Variants in CLN8 observed in about 807,000 individuals in gnomAD.
CLN8 encodes protein CLN8.
A neutral mutation model predicts 15.7 loss-of-function variants in CLN8; 14 were observed. The observed-to-expected ratio is 0.89, with a 90% CI of 0.59 to 1.39. CLN8 has a LOEUF of 1.39. CLN8 is among the 40% of genes most tolerant of loss of function. The probability of loss-of-function intolerance (pLI) is 0.00; values close to 1 mark genes in which losing one functional copy is unlikely to be tolerated. For missense variants in CLN8, 415 were observed against 364.0 expected, an observed-to-expected ratio of 1.14 and a Z score of -1.14; for synonymous variants, 188 against 151.0, an observed-to-expected ratio of 1.25 and a Z score of -1.80.
chr8:1,756,810 G>A (rs1056464868), intron 1 of CLN8, among the ~76,000 whole-genome samples: 1 of 151,012 alleles, frequency 6.6e-6, no homozygotes, highest in African/African-American at 2.4e-5. Context: ...AGCCTCCCAA[G>A]TAGCTAGGAT....
intron 1 of CLN8, among the ~76,000 whole-genome samples, chr8:1,765,592 G>T (rs1240121654): frequency 6.6e-6 from 1 of 152,140 alleles, no homozygotes; most frequent in Non-Finnish European, 1.5e-5. Context: ...TTATATTTCA[G>T]TCATTAATGC....
rs1801672922 is a variant in CLN8 at position 1,780,311 on chromosome 8, A to G, written c.605A>G (p.His202Arg). Residue 202 changes from histidine to arginine, a missense_variant, in exon 3 of 3, where the codon CAC becomes CGC. His to Arg is a conservative substitution (Grantham distance 29). Coordinates refer to ENST00000331222, the MANE Select transcript of CLN8 (RefSeq NM_018941.4). The stretch of plus-strand genomic sequence containing the variant: ...CAGTGGCTGATGATTCACATGTTTC[A>G]CTGCCGCATGGTTCTAACCTACCAC... ...LNQWLMIHMF[H>R]CRMVLTYHMW... The G allele has an allele frequency of 1.2e-6, 2 of 1,614,208 alleles. No individual in the cohort carries two copies. The highest frequency in any genetic ancestry group is 1.7e-6 in the Non-Finnish European group (2 of 1,180,042).
intron 1 of CLN8, among the ~76,000 whole-genome samples, chr8:1,758,057 CAGCATCAG>C (rs1800712563): frequency 6.6e-6 from 1 of 151,986 alleles, no homozygotes; most frequent in Non-Finnish European, 1.5e-5. Context: ...ATCACCAAGA[CAGCATCAG>C]AGCCCTTTAG....
At chr8:1,776,898 A>C (rs1422058597) in intron 2 of CLN8, among the ~76,000 whole-genome samples, 1 of 152,214 alleles carries the variant, frequency 6.6e-6, no homozygotes, top group Non-Finnish European at 1.5e-5. Context: ...TCCACGCAGC[A>C]GAAGGGTGGG....
chr8:1,757,011 A>G (rs572761486), intron 1 of CLN8, among the ~76,000 whole-genome samples: 3 of 152,268 alleles, frequency 2.0e-5, no homozygotes, highest in South Asian at 4.1e-4. Context: ...AAGCTGCACT[A>G]AAGTCCTTTA....
chr8:1,771,748 G>C, intron 2 of CLN8, 151 bp downstream of exon 2: 1 of 743,074 alleles, frequency 1.3e-6, no homozygotes, highest in Non-Finnish European at 2.3e-6. Context: ...GCAATATTCT[G>C]GTTTTGTTTA....
chr8:1,759,511 G>A (rs1563098116), upstream of CLN8: 1 of 152,234 alleles, frequency 6.6e-6, no homozygotes. Context: ...CGAGGGTGAG[G>A]GATGAGGAGT....
chr8:1,760,047 C>T (rs532292471), upstream of CLN8: 3 of 152,264 alleles, frequency 2.0e-5, no homozygotes, highest in African/African-American at 7.2e-5. Context: ...GAAAGTAAGA[C>T]AGTCCCCTGA....
At chr8:1,763,787 C>T (rs986106981), upstream of CLN8, 1 of 150,198 alleles carries the variant, frequency 6.7e-6, no homozygotes, top group Non-Finnish European at 1.5e-5. Flanking sequence ...TTGAGGCCGG[C>T]CAGTCGTGAC....
chr8:1,770,947 G>T lies in CLN8; in HGVS notation c.-108G>T. ...TTTCTTTTAGATTGAAGATGGATAC[G>T]TGACAATCCCAGGGACCGCTGCACT... is the stretch of plus-strand genomic sequence containing the variant. On this transcript the variant is annotated 5_prime_UTR_variant, in exon 2 of 3. Transcript: ENST00000331222. 2 of 992,528 alleles carry T rather than the reference G, an allele frequency of 2.0e-6. No homozygotes were observed. Among genetic ancestry groups the T allele is most frequent in the South Asian group, 1.3e-5 (1 of 76,718 alleles). 61.5% of individuals were successfully genotyped at this position (992,528 alleles called of 1,614,324 possible).
chr8:1,781,334 C>G lies in CLN8; in HGVS notation c.*767C>G, dbSNP rs1479585722. ...GATCGCACCACTGCACTCCAGCACT[C>G]CAGCCTGGGTGACAGAGCAAGACTC... On this transcript the variant is annotated 3_prime_UTR_variant, in exon 3 of 3. Transcript: ENST00000331222. The G allele has an allele frequency of 6.7e-6, 1 of 149,780 alleles. No homozygotes were observed. The highest frequency in any genetic ancestry group is 1.5e-5 in the Non-Finnish European group (1 of 67,638). 9.3% of individuals were successfully genotyped at this position (149,780 alleles called of 1,614,324 possible).
intron 1 of CLN8, chr8:1,758,581 T>A (rs1345225125): frequency 6.6e-6 from 1 of 152,238 alleles, no homozygotes; most frequent in Non-Finnish European, 1.5e-5. Context: ...TATTTCAAAA[T>A]TCGGCTTTGT....
At chr8:1,760,625 CCATCTTT>C (rs1278513240), upstream of CLN8, among the ~76,000 whole-genome samples, 6 of 152,176 alleles carry the variant, frequency 3.9e-5, no homozygotes, top group Non-Finnish European at 7.3e-5. Flanking sequence ...AGTTATGGTT[CCATCTTT>C]CTAAGCCTCA....
At position 1,783,810 on chromosome 8, in the gene CLN8, C is replaced by T. The variant is rs956856644; in HGVS notation, c.*3243C>T. The T allele has an allele frequency of 2.0e-5, 3 of 152,256 alleles. No homozygotes were observed. The highest frequency in any genetic ancestry group is 3.9e-4 in the East Asian group (2 of 5,170). 9.4% of individuals were successfully genotyped at this position (152,256 alleles called of 1,614,324 possible). A position where few individuals can be genotyped will look rare whatever the true frequency, so the allele number is the denominator to read the frequency against. ...TGATTCCACTTCTGTCGAGGAGCTTCGGGGCTCAGAGAGGTGATGACGTGC... is the reference window on the plus strand; with the variant it reads ...TGATTCCACTTCTGTCGAGGAGCTTTGGGGCTCAGAGAGGTGATGACGTGC... On this transcript the variant is annotated 3_prime_UTR_variant, in exon 3 of 3. Transcript: ENST00000331222.
rs555020311 is a variant in CLN8 at position 1,775,424 on chromosome 8, T to C, written c.543+3827T>C. On this transcript the variant is annotated intron_variant, in intron 2 of 2. Coordinates refer to ENST00000331222, the MANE Select transcript of CLN8 (RefSeq NM_018941.4). ...GGGCTCCAGAGCTTTGCATGTGTTA[T>C]GTCACAGATTTTGTTCCTGTAGATT... Among the ~76,000 whole-genome samples the C allele has an allele frequency of 2.2e-4, 34 of 152,346 alleles. No homozygotes were observed. In the South Asian group the frequency reaches 7.0e-3, roughly 32 times the overall value.
chr8:1,778,367 A>G (rs1033985042), intron 2 of CLN8, among the ~76,000 whole-genome samples: 1 of 152,240 alleles, frequency 6.6e-6, no homozygotes. Context: ...TTTCATTTCA[A>G]TCCCATGTCA....
rs754493769 is a variant in CLN8, at chr8:1,780,504, A to G, written c.798A>G (p.Ala266=). 6.2e-7 allele frequency: 1 copy of G among 1,614,252 alleles called. No individual in the cohort carries two copies. Among genetic ancestry groups the G allele is most frequent in the Non-Finnish European group, 8.5e-7 (1 of 1,180,048 alleles). ...QLLNPVDWNF[A]QPEAKSRPEG... ...TCAATCCGGTGGACTGGAACTTCGC[A>G]CAGCCAGAAGCCAAGAGCAGGCCAG... The change falls in exon 3 of 3, where the codon GCA becomes GCG. Residue 266 remains alanine, a synonymous_variant. Transcript: ENST00000331222.
At position 1,781,551 on chromosome 8, in the gene CLN8, A is replaced by T. The variant is rs1173517754; in HGVS notation, c.*984A>T. On this transcript the variant is annotated 3_prime_UTR_variant, in exon 3 of 3. Transcript: ENST00000331222. Reference sequence around the variant, plus strand: ...ATCTTGCAAGTTTTTTTTTTTTTTAAATCATGGTACCTGTTTTAAAATGAG... The same window carrying T: ...ATCTTGCAAGTTTTTTTTTTTTTTATATCATGGTACCTGTTTTAAAATGAG... 1.3e-5 allele frequency: 2 copies of T among 151,288 alleles called. No homozygotes were observed. Among genetic ancestry groups the T allele is most frequent in the African/African-American group, 4.9e-5 (2 of 41,190 alleles). The allele number at this position is 151,288 out of a possible 1,614,324, so 9.4% of individuals were successfully genotyped here.
chr8:1,781,101 T>C lies in CLN8; in HGVS notation c.*534T>C. The C allele has an allele frequency of 6.4e-6, 1 of 155,456 alleles. No homozygotes were observed. The highest frequency in any genetic ancestry group is 1.4e-5 in the Non-Finnish European group (1 of 70,112). The allele number at this position is 155,456 out of a possible 1,614,324, so 9.6% of individuals were successfully genotyped here. A position where few individuals can be genotyped will look rare whatever the true frequency, so the allele number is the denominator to read the frequency against. On this transcript the variant is annotated 3_prime_UTR_variant, in exon 3 of 3. Coordinates refer to ENST00000331222, the MANE Select transcript of CLN8 (RefSeq NM_018941.4). ...TGGGTGGGGTGGCTCACACCCGACG[T>C]AATCCCAGCACGTTGGGAGGCCGAG...
Sources: gnomAD v4.1 joint callset for allele counts (sites outside exome capture counted in the v4.1 genomes callset) on GRCh38, gnomAD v4.1.1 for gene constraint, MANE v1.5 for transcripts, NCBI Gene and HGNC (gene_info 2026-07-23, HGNC 2026-07-21) for gene names.